DOCK3: variants seen among roughly 807,000 people sequenced by gnomAD.
The protein encoded by DOCK3 is dedicator of cytokinesis 3, also known as dedicator of cytokinesis protein 3.
DOCK3 carries 60 observed loss-of-function variants against 265.6 expected under a neutral mutation model. That is an observed-to-expected ratio of 0.23 (90% CI 0.18 to 0.28). DOCK3 has a LOEUF of 0.28. Ranked by LOEUF, DOCK3 falls within the 10% of genes least tolerant of loss-of-function variation. The pLI, the probability that DOCK3 is intolerant of heterozygous loss-of-function variation, is 1.00. For missense variants in DOCK3, 1,981 were observed against 2,594.3 expected, an observed-to-expected ratio of 0.76 and a Z score of 5.14; for synonymous variants, 881 against 938.0, an observed-to-expected ratio of 0.94 and a Z score of 1.11.
Position 51,356,512 on chromosome 3 carries a change from G to A in DOCK3, c.4503+19G>A, listed in dbSNP as rs1478801045. 1 of 1,608,734 alleles carries A rather than the reference G, an allele frequency of 6.2e-7. No homozygotes were observed. On this transcript the variant is annotated intron_variant, in intron 43 of 52. Coordinates refer to ENST00000266037, the MANE Select transcript of DOCK3 (RefSeq NM_004947.5). ...GGAACTGGTGAGACATGTCTCAGAT[G>A]AAGCTGAGCTTCACAACTGCTCCAT...
At chr3:51,015,410 G>C (rs1451791565) in intron 5 of DOCK3, among the ~76,000 whole-genome samples, 1 of 151,760 alleles carries the variant, frequency 6.6e-6, no homozygotes, top group Non-Finnish European at 1.5e-5. Context: ...CTTTCATTCT[G>C]TTGATGTGAT....
intron 1 of DOCK3, among the ~76,000 whole-genome samples, chr3:50,755,509 T>C (rs1239730275): frequency 6.6e-6 from 1 of 152,230 alleles, no homozygotes; most frequent in East Asian, 1.9e-4. Flanking sequence ...TAATATCTGT[T>C]GATGTAAAAG....
At chr3:50,811,126 G>A (rs1020436209) in intron 2 of DOCK3, among the ~76,000 whole-genome samples, 5 of 152,122 alleles carry the variant, frequency 3.3e-5, no homozygotes, top group African/African-American at 1.2e-4. Flanking sequence ...AGGTATGGTG[G>A]CTCATGCTTG....
At chr3:51,116,337 G>T (rs1387203038) in intron 9 of DOCK3, among the ~76,000 whole-genome samples, 1 of 150,310 alleles carries the variant, frequency 6.7e-6, no homozygotes, top group East Asian at 2.0e-4. Flanking sequence ...TGTAATCCCA[G>T]CTACTCGGGA....
intron 1 of DOCK3, among the ~76,000 whole-genome samples, chr3:50,699,942 T>G (rs1460018864): frequency 6.6e-6 from 1 of 152,208 alleles, no homozygotes; most frequent in Non-Finnish European, 1.5e-5. Context: ...TGTAAGATAT[T>G]CATCACTCCA....
intron 38 of DOCK3, among the ~76,000 whole-genome samples, chr3:51,342,390 C>T (rs1324320080): frequency 6.6e-6 from 1 of 152,232 alleles, no homozygotes; most frequent in African/African-American, 2.4e-5. Context: ...TCAGCCAGCC[C>T]ATGCAACTGA....
At chr3:51,002,744 T>G (rs2078532649) in intron 5 of DOCK3, among the ~76,000 whole-genome samples, 1 of 152,200 alleles carries the variant, frequency 6.6e-6, no homozygotes, top group African/African-American at 2.4e-5. Context: ...CCCCTCCTAC[T>G]TGTTTATTCC....
chr3:51,338,329 T>C (rs750523752), intron 35 of DOCK3, 30 bp from the exon 36 acceptor site: 88 of 1,551,238 alleles, frequency 5.7e-5, no homozygotes, highest in Admixed American at 9.8e-5. Flanking sequence ...CCACTTCATA[T>C]CTGGTGCTCA....
intron 19 of DOCK3, among the ~76,000 whole-genome samples, chr3:51,230,414 C>T (rs918024138): frequency 6.6e-6 from 1 of 152,156 alleles, no homozygotes; most frequent in African/African-American, 2.4e-5. Flanking sequence ...ATAATGAGCT[C>T]CAGCTGCATC....
chr3:50,768,059 A>G (rs1259863457), intron 1 of DOCK3, among the ~76,000 whole-genome samples: 1 of 152,184 alleles, frequency 6.6e-6, no homozygotes, highest in African/African-American at 2.4e-5. Flanking sequence ...TGCCGTCTGC[A>G]AACAGGGACA....
At chr3:51,151,195 C>T (rs893958882) in intron 10 of DOCK3, among the ~76,000 whole-genome samples, 1 of 151,864 alleles carries the variant, frequency 6.6e-6, no homozygotes, top group Admixed American at 6.6e-5. Context: ...TATTTTGAGC[C>T]TATGTATGTC....
chr3:50,821,012 G>A (rs2044380117), intron 2 of DOCK3, among the ~76,000 whole-genome samples: 1 of 151,494 alleles, frequency 6.6e-6, no homozygotes, highest in African/African-American at 2.4e-5. Context: ...TTTTTGCTTA[G>A]TGATTTAAGT....
intron 4 of DOCK3, among the ~76,000 whole-genome samples, chr3:50,904,317 A>G (rs568160018): frequency 6.6e-6 from 1 of 152,340 alleles, no homozygotes; most frequent in South Asian, 2.1e-4. Flanking sequence ...TTCTAGTTCT[A>G]GATCCTTGAG....
At chr3:51,364,126 C>A (rs560627374) in intron 49 of DOCK3, among the ~76,000 whole-genome samples, 1 of 152,376 alleles carries the variant, frequency 6.6e-6, no homozygotes, top group South Asian at 2.1e-4. Flanking sequence ...GTTCCTATTT[C>A]TCTACATCCT....
intron 4 of DOCK3, among the ~76,000 whole-genome samples, chr3:50,914,771 A>G (rs888894928): frequency 4.0e-4 from 61 of 152,202 alleles, no homozygotes; most frequent in Non-Finnish European, 8.1e-4. Context: ...TGATCTGTCT[A>G]ATGCCGATAG....
chr3:50,733,701 A>G (rs562543801), intron 1 of DOCK3, among the ~76,000 whole-genome samples: 3 of 152,304 alleles, frequency 2.0e-5, no homozygotes, highest in Non-Finnish European at 4.4e-5. Context: ...TTTTTGGAGA[A>G]TTTAATCTAT....
intron 32 of DOCK3, among the ~76,000 whole-genome samples, chr3:51,326,349 C>T (rs1375556804): frequency 3.3e-5 from 5 of 151,760 alleles, no homozygotes; most frequent in African/African-American, 1.2e-4. Context: ...CAACCTCTGC[C>T]TCCCGGGTTC....
At chr3:51,175,851 T>TTC (rs1200952550) in intron 12 of DOCK3, among the ~76,000 whole-genome samples, 2 of 152,176 alleles carry the variant, frequency 1.3e-5, no homozygotes, top group African/African-American at 4.8e-5. Flanking sequence ...GTGCTCAAAT[T>TTC]TCTCTCTCCT....
chr3:50,905,153 T>C (rs1463966039), intron 4 of DOCK3, among the ~76,000 whole-genome samples: 1 of 152,164 alleles, frequency 6.6e-6, no homozygotes. Context: ...CATGCTGTTT[T>C]GGTTACTGCA....
Sources: allele counts gnomAD v4.1 joint callset (sites outside exome capture counted in the v4.1 genomes callset), GRCh38; gene constraint gnomAD v4.1.1; transcripts MANE v1.5; gene names NCBI Gene and HGNC (gene_info 2026-07-23, HGNC 2026-07-21).